Variants in FAM13A observed in about 807,000 individuals in gnomAD.
FAM13A encodes the protein protein FAM13A.
In FAM13A, 76 loss-of-function variants were observed where a neutral mutation model predicts 129.6. The observed-to-expected ratio is 0.59, with a 90% CI of 0.49 to 0.71. The LOEUF (loss-of-function observed/expected upper bound fraction) is 0.71. Among genes scored for constraint, FAM13A ranks in the 30% least tolerant of loss-of-function variants. FAM13A has a pLI of 0.00. For missense variants in FAM13A, 1,108 were observed against 1,249.3 expected (o/e 0.89, Z 1.70); for synonymous variants, 443 against 449.9 (o/e 0.98, Z 0.20).
intron 7 of FAM13A, among the ~76,000 whole-genome samples, chr4:88,815,704 C>G (rs1730583813): frequency 6.6e-6 from 1 of 152,054 alleles, no homozygotes. Context: ...TCATAATTTC[C>G]TTCAGTGTAT....
chr4:88,789,926 GAGC>G (rs2149671640), intron 9 of FAM13A, among the ~76,000 whole-genome samples: 1 of 152,240 alleles, frequency 6.6e-6, no homozygotes, highest in East Asian at 1.9e-4. Context: ...GAAGTGTAAT[GAGC>G]AATATGGTCA....
chr4:88,892,602 A>G (rs1214694229), intron 6 of FAM13A, among the ~76,000 whole-genome samples: 1 of 152,220 alleles, frequency 6.6e-6, no homozygotes, highest in Non-Finnish European at 1.5e-5. Context: ...AGGGTCCACT[A>G]TGTGTCTGGC....
At chr4:89,038,794 CACTT>C (rs1769726648) in intron 1 of FAM13A, among the ~76,000 whole-genome samples, 1 of 152,064 alleles carries the variant, frequency 6.6e-6, no homozygotes, top group African/African-American at 2.4e-5. Flanking sequence ...TCTCACAAAT[CACTT>C]AATAATGTAA....
chr4:88,853,046 T>C (rs1055174557), intron 6 of FAM13A, among the ~76,000 whole-genome samples: 9 of 152,346 alleles, frequency 5.9e-5, no homozygotes, highest in African/African-American at 2.2e-4. Context: ...TTTTTATTAT[T>C]ATTGTTGTTA....
intron 6 of FAM13A, among the ~76,000 whole-genome samples, chr4:88,878,835 A>G (rs1413416374): frequency 6.6e-6 from 1 of 152,208 alleles, no homozygotes; most frequent in Non-Finnish European, 1.5e-5. Flanking sequence ...TATCACAATG[A>G]GCACAAAGTA....
At chr4:88,937,279 T>G (rs972198712) in intron 5 of FAM13A, 2 of 152,182 alleles carry the variant, frequency 1.3e-5, no homozygotes, top group Non-Finnish European at 2.9e-5. Context: ...TGCCTCTGAT[T>G]TTATCATTCA....
At chr4:88,881,766 A>G (rs1743614181) in intron 6 of FAM13A, among the ~76,000 whole-genome samples, 1 of 151,632 alleles carries the variant, frequency 6.6e-6, no homozygotes, top group African/African-American at 2.4e-5. Context: ...TCAGTGAAAT[A>G]GATAGCATAA....
At chr4:88,827,117 G>C (rs1733137506) in intron 7 of FAM13A, among the ~76,000 whole-genome samples, 1 of 152,056 alleles carries the variant, frequency 6.6e-6, no homozygotes, top group Non-Finnish European at 1.5e-5. Flanking sequence ...ACTGCTTTTA[G>C]GGTCTTTTGA....
chr4:88,995,289 T>C (rs1763410963), intron 3 of FAM13A, among the ~76,000 whole-genome samples: 1 of 151,686 alleles, frequency 6.6e-6, no homozygotes, highest in Non-Finnish European at 1.5e-5. Flanking sequence ...TAATATTGAG[T>C]GTCAACTTGA....
intron 11 of FAM13A, among the ~76,000 whole-genome samples, chr4:88,772,837 G>A (rs1033600868): frequency 6.6e-6 from 1 of 152,120 alleles, no homozygotes; most frequent in African/African-American, 2.4e-5. Flanking sequence ...TGGTTGTATG[G>A]ATACTCAAAG....
intron 7 of FAM13A, among the ~76,000 whole-genome samples, chr4:88,818,241 T>TC (rs889985353): frequency 2.0e-5 from 3 of 151,904 alleles, no homozygotes; most frequent in Admixed American, 1.3e-4. Flanking sequence ...CCTCCAGTGA[T>TC]CCCCCCCGGA....
intron 3 of FAM13A, among the ~76,000 whole-genome samples, chr4:89,016,317 G>A (rs954525073): frequency 2.0e-5 from 3 of 152,100 alleles, no homozygotes; most frequent in Non-Finnish European, 4.4e-5. Context: ...TTTAAGCTAA[G>A]TGTTATTTTA....
chr4:88,748,252 ATTCTT>A (rs1195110042), intron 17 of FAM13A, among the ~76,000 whole-genome samples: 1 of 152,200 alleles, frequency 6.6e-6, no homozygotes, highest in African/African-American at 2.4e-5. Context: ...TCAATAACTT[ATTCTT>A]TTTTCAGAGA....
intron 6 of FAM13A, among the ~76,000 whole-genome samples, chr4:88,851,478 T>C (rs1178407979): frequency 1.3e-5 from 2 of 151,788 alleles, no homozygotes; most frequent in Admixed American, 1.3e-4. Flanking sequence ...CTCCTTAGAA[T>C]AATCATTCTA....
intron 18 of FAM13A, among the ~76,000 whole-genome samples, chr4:88,747,309 C>T (rs1380224184): frequency 6.6e-6 from 1 of 152,104 alleles, no homozygotes; most frequent in Non-Finnish European, 1.5e-5. Flanking sequence ...ATGGCCCAAG[C>T]AATGACGACG....
intron 7 of FAM13A, among the ~76,000 whole-genome samples, chr4:88,842,127 A>G (rs1250196770): frequency 6.6e-6 from 1 of 152,254 alleles, no homozygotes; most frequent in Non-Finnish European, 1.5e-5. Flanking sequence ...AGCCTTCAAA[A>G]CATATGCTAA....
At chr4:88,858,023 T>C (rs1179893971) in intron 6 of FAM13A, among the ~76,000 whole-genome samples, 1 of 152,228 alleles carries the variant, frequency 6.6e-6, no homozygotes, top group African/African-American at 2.4e-5. Context: ...ATATTCAATT[T>C]CAAAATCTGC....
At chr4:88,800,086 G>A (rs1727107907) in intron 8 of FAM13A, among the ~76,000 whole-genome samples, 1 of 152,186 alleles carries the variant, frequency 6.6e-6, no homozygotes, top group Admixed American at 6.5e-5. Flanking sequence ...CTCATATGAG[G>A]TACCCGGAGT....
chr4:88,919,881 G>A (rs1005053487), intron 5 of FAM13A, among the ~76,000 whole-genome samples: 1 of 152,230 alleles, frequency 6.6e-6, no homozygotes, highest in Admixed American at 6.5e-5. Flanking sequence ...AAAAAATGGC[G>A]CACCAGGAGA....
Sources: gnomAD v4.1 joint callset for allele counts (sites outside exome capture counted in the v4.1 genomes callset) on GRCh38, gnomAD v4.1.1 for gene constraint, MANE v1.5 for transcripts, NCBI Gene and HGNC (gene_info 2026-07-23, HGNC 2026-07-21) for gene names.